The following VPS13B variants were observed in gnomAD, a reference collection of about 807,000 sequenced individuals.
VPS13B encodes intermembrane lipid transfer protein VPS13B.
Under a neutral mutation model 426.4 loss-of-function variants are expected in VPS13B, and 285 were observed. That is an observed-to-expected ratio of 0.67 (90% CI 0.61 to 0.74). The LOEUF (loss-of-function observed/expected upper bound fraction) is 0.74, where lower values mean the gene tolerates loss of function less well. VPS13B is among the 30% of genes least tolerant of loss of function. The pLI, the probability that VPS13B is intolerant of heterozygous loss-of-function variation, is 0.00. For synonymous variants in VPS13B, 1,676 were observed against 1,676.4 expected (o/e 1.00, Z 0.01); for missense variants, 4,537 against 4,782.6 (o/e 0.95, Z 1.51).
chr8:99,767,521 C>CGACA (rs1430221231), intron 40 of VPS13B, among the ~76,000 whole-genome samples: 8 of 109,898 alleles, frequency 7.3e-5, no homozygotes, highest in African/African-American at 3.3e-5. Flanking sequence ...AAAAAAAAGG[C>CGACA]GACAGTCCTC....
intron 23 of VPS13B, among the ~76,000 whole-genome samples, chr8:99,459,438 T>C (rs1428693812): frequency 6.6e-6 from 1 of 152,172 alleles, no homozygotes; most frequent in Admixed American, 6.6e-5. Flanking sequence ...AAATGCATCA[T>C]TATGCAATTT....
intron 30 of VPS13B, among the ~76,000 whole-genome samples, chr8:99,542,606 CT>C (rs1554838587): frequency 6.6e-6 from 1 of 152,104 alleles, no homozygotes; most frequent in Non-Finnish European, 1.5e-5. Context: ...ACTGTGGCAG[CT>C]TTGAATTCCT....
chr8:99,284,747 G>GCCC (rs1819345945), intron 19 of VPS13B, among the ~76,000 whole-genome samples: 1 of 105,524 alleles, frequency 9.5e-6, no homozygotes, highest in Non-Finnish European at 2.0e-5. Context: ...TTTTTGTAGA[G>GCCC]ACAGAGTCCC....
chr8:99,184,545 T>C (rs994069240), intron 16 of VPS13B, among the ~76,000 whole-genome samples: 1 of 152,244 alleles, frequency 6.6e-6, no homozygotes, highest in Non-Finnish European at 1.5e-5. Flanking sequence ...TAGGCAGCTT[T>C]TCTTATATTT....
At position 99,876,007 on chromosome 8, in the gene VPS13B, GCCCTATATGTTCTT is replaced by G. The variant is rs1216385154; in HGVS notation, c.*342_*355del. 1.1e-5 allele frequency: 4 copies of G among 350,700 alleles called. No individual in the cohort carries two copies. The highest frequency in any genetic ancestry group is 2.2e-5 in the Non-Finnish European group (4 of 185,564). 21.7% of individuals were successfully genotyped at this position (350,700 alleles called of 1,614,324 possible). On this transcript the variant is annotated 3_prime_UTR_variant, in exon 62 of 62. Coordinates refer to ENST00000357162, the MANE Select transcript of VPS13B (RefSeq NM_152564.5). ...CCACTTAGAGACAATGATTAACAGG[GCCCTATATGTTCTT>G]ACCACATACAGAGGATGCATTTATT...
chr8:99,191,445 G>A (rs1309175128), intron 16 of VPS13B, among the ~76,000 whole-genome samples: 11 of 138,454 alleles, frequency 7.9e-5, no homozygotes, highest in Admixed American at 7.6e-5. Flanking sequence ...ATGCAGTAGC[G>A]CGATCTCGGC....
intron 19 of VPS13B, among the ~76,000 whole-genome samples, chr8:99,380,349 A>C (rs1813724192): frequency 6.6e-6 from 1 of 152,180 alleles, no homozygotes; most frequent in South Asian, 2.1e-4. Context: ...AATATATGTT[A>C]AATTGTATAT....
At chr8:99,200,331 C>G (rs189723289) in intron 17 of VPS13B, among the ~76,000 whole-genome samples, 136 of 152,070 alleles carry the variant, frequency 8.9e-4, no homozygotes, top group African/African-American at 3.0e-3. Context: ...GTTTCTACTT[C>G]TGAATATTGT....
At chr8:99,623,277 C>T (rs1278325758) in intron 33 of VPS13B, among the ~76,000 whole-genome samples, 1 of 152,178 alleles carries the variant, frequency 6.6e-6, no homozygotes, top group Admixed American at 6.5e-5. Context: ...ATGTCTCCTC[C>T]TTGATGAGGC....
At chr8:99,725,161 T>C (rs1003954236) in intron 39 of VPS13B, among the ~76,000 whole-genome samples, 1 of 152,242 alleles carries the variant, frequency 6.6e-6, no homozygotes, top group African/African-American at 2.4e-5. Flanking sequence ...ACTACTTTTA[T>C]GCTATTTTTC....
intron 3 of VPS13B, among the ~76,000 whole-genome samples, chr8:99,089,480 A>T (rs1002387288): frequency 1.3e-5 from 2 of 152,170 alleles, no homozygotes; most frequent in Non-Finnish European, 2.9e-5. Context: ...ACATCAATCA[A>T]TATATATCAA....
intron 58 of VPS13B, among the ~76,000 whole-genome samples, chr8:99,865,125 C>G (rs1817031897): frequency 6.6e-6 from 1 of 152,152 alleles, no homozygotes; most frequent in Non-Finnish European, 1.5e-5. Context: ...TGGATGAGCT[C>G]CATGACAGTT....
At chr8:99,393,530 C>G (rs1240353810) in intron 21 of VPS13B, among the ~76,000 whole-genome samples, 1 of 151,688 alleles carries the variant, frequency 6.6e-6, no homozygotes, top group Non-Finnish European at 1.5e-5. Flanking sequence ...TTGGTGTTCC[C>G]CCACCTTTAG....
At chr8:99,142,902 GAA>G (rs1270634699) in intron 12 of VPS13B, 70 bp from the exon 13 acceptor site, 1 of 1,485,144 alleles carries the variant, frequency 6.7e-7, no homozygotes, top group Non-Finnish European at 9.1e-7. Context: ...AAAAATGAGA[GAA>G]GAGCGATTTT....
In VPS13B at chr8:99,013,810, C is replaced by A. The variant is rs756556871; in HGVS notation, c.22C>A (p.Pro8Thr). 1.2e-6 allele frequency: 2 copies of A among 1,614,170 alleles called. No individual in the cohort carries two copies. Among genetic ancestry groups the A allele is most frequent in the East Asian group, 4.5e-5 (2 of 44,876 alleles). MLESYVT[P>T]ILMSYVNRYI... is the part of the protein sequence containing the mutation. ...AAAGATGCTGGAGTCATATGTAACT[C>A]CAATTTTAATGAGCTATGTGAATCG... The change falls in exon 2 of 62, where the codon CCA becomes ACA. Residue 8 changes from proline (P) to threonine (T), a missense_variant. By Grantham distance (38) the Pro-to-Thr change is conservative (BLOSUM62 -1). Coordinates refer to ENST00000357162, the MANE Select transcript of VPS13B (RefSeq NM_152564.5).
At position 99,103,038 on chromosome 8, in the gene VPS13B, T is replaced by A; in HGVS notation, c.498T>A (p.Asp166Glu). Reference sequence around the variant, plus strand: ...TCATACTAAAATATGTTGAAGATGATATCGTCCTTTCCGTCAATATCACTT... The same window carrying A: ...TCATACTAAAATATGTTGAAGATGAAATCGTCCTTTCCGTCAATATCACTT... ...NNLILKYVED[D>E]IVLSVNITSA... is the part of the protein sequence containing the mutation. Residue 166 changes from aspartate to glutamate, a missense_variant, in exon 5 of 62, where the codon GAT (aspartate) becomes GAA (glutamate). Around this residue, in one of 2 missense-constraint regions of VPS13B, gnomAD observed 226 missense variants for 308.3 expected, o/e 0.73. Coordinates refer to ENST00000357162, the MANE Select transcript of VPS13B (RefSeq NM_152564.5). The A allele has an allele frequency of 6.2e-7, 1 of 1,613,792 alleles. No individual in the cohort carries two copies. The highest frequency in any genetic ancestry group is 8.5e-7 in the Non-Finnish European group (1 of 1,179,728).
Position 99,132,231 on chromosome 8 carries a change from C to T in VPS13B, c.1207-2401C>T, listed in dbSNP as rs530696601. ...AACCTCTGTCGAAATTGAAGTCAGT[C>T]CTTTTCAAACACTACTGCTGCTTTA... On this transcript the variant is annotated intron_variant, in intron 8 of 61. Coordinates refer to ENST00000357162, the MANE Select transcript of VPS13B (RefSeq NM_152564.5). Among the ~76,000 whole-genome samples the T allele has an allele frequency of 2.0e-5, 3 of 152,234 alleles. No individual in the cohort carries two copies. In the South Asian group the frequency reaches 6.2e-4, roughly 32 times the overall value.
intron 3 of VPS13B, among the ~76,000 whole-genome samples, chr8:99,068,404 A>G (rs1844659427): frequency 6.6e-6 from 1 of 152,218 alleles, no homozygotes; most frequent in Non-Finnish European, 1.5e-5. Context: ...GATGATTTAG[A>G]GTAGGGGTAA....
At chr8:99,571,412 G>A (rs1271540670) in intron 31 of VPS13B, among the ~76,000 whole-genome samples, 1 of 151,998 alleles carries the variant, frequency 6.6e-6, no homozygotes, top group Non-Finnish European at 1.5e-5. Context: ...ATTTACCAGA[G>A]ATATCATAAA....
Sources: gnomAD v4.1 joint callset for allele counts (sites outside exome capture counted in the v4.1 genomes callset) on GRCh38, gnomAD v4.1.1 for gene constraint, gnomAD v4.1.1 regional missense constraint, MANE v1.5 for transcripts, NCBI Gene and HGNC (gene_info 2026-07-23, HGNC 2026-07-21) for gene names.